MS4A13: variants seen among roughly 807,000 people sequenced by gnomAD.
The protein encoded by MS4A13 is membrane spanning 4-domains A13.
MS4A13 carries 21 observed loss-of-function variants against 18.4 expected under a neutral mutation model. The observed-to-expected ratio is 1.14, with a 90% CI of 0.81 to 1.64. MS4A13 has a LOEUF of 1.64. Among genes scored for constraint, MS4A13 ranks in the 40% most tolerant of loss-of-function variants. The pLI is 0.00. For synonymous variants in MS4A13, 62 were observed against 57.2 expected, an observed-to-expected ratio of 1.08 and a Z score of -0.38; for missense variants, 173 against 176.8, an observed-to-expected ratio of 0.98 and a Z score of 0.12.
chr11:60,522,636 A>G (rs1280116740), intron 3 of MS4A13, among the ~76,000 whole-genome samples: 2 of 152,192 alleles, frequency 1.3e-5, no homozygotes, highest in African/African-American at 4.8e-5. Flanking sequence ...ATAAGTGTCA[A>G]TGGATTGCCT....
intron 1 of MS4A13, 72 bp from the exon 2 acceptor site, chr11:60,515,897 A>G (rs2086634370): frequency 6.6e-6 from 1 of 152,232 alleles, no homozygotes; most frequent in Non-Finnish European, 1.5e-5. Context: ...TGACTGAACA[A>G]TAAGGAAAGG....
chr11:60,528,362 T>C (rs1185471679), intron 5 of MS4A13, among the ~76,000 whole-genome samples: 1 of 152,214 alleles, frequency 6.6e-6, no homozygotes, highest in East Asian at 1.9e-4. Flanking sequence ...CCTACCACTT[T>C]ATGAAGCCTT....
chr11:60,540,100 A>G (rs1365755966), intron 6 of MS4A13, among the ~76,000 whole-genome samples: 1 of 152,246 alleles, frequency 6.6e-6, no homozygotes, highest in African/African-American at 2.4e-5. Flanking sequence ...AAAAGACAGT[A>G]GCATTAATTG....
chr11:60,529,333 C>A, intron 5 of MS4A13, 32 bp from the exon 6 acceptor site: 1 of 1,165,018 alleles, frequency 8.6e-7, no homozygotes, highest in Non-Finnish European at 1.2e-6. Flanking sequence ...AAGATAATAG[C>A]ATTAAGATTT....
intron 3 of MS4A13, among the ~76,000 whole-genome samples, chr11:60,522,801 A>T (rs2086686849): frequency 6.6e-6 from 1 of 152,180 alleles, no homozygotes; most frequent in African/African-American, 2.4e-5. Context: ...GCACTACCTT[A>T]AAAAAGAGGA....
In MS4A13 at chr11:60,538,069, C is replaced by A. The variant is rs865950758; in HGVS notation, c.403-4450C>A. Among the ~76,000 whole-genome samples, 3 of 149,654 alleles carry A rather than the reference C, an allele frequency of 2.0e-5. 1 individual carries two copies. In the South Asian group the frequency reaches 6.5e-4, roughly 32 times the overall value. On this transcript the variant is annotated intron_variant, in intron 6 of 6. Coordinates refer to ENST00000378186, the MANE Select transcript of MS4A13 (RefSeq NM_001012417.3). ...GGAGGGATGGCATTGGGAGATATACCTAATGCTGGATGACACGTTGGTGGG... is the reference window on the plus strand; with the variant it reads ...GGAGGGATGGCATTGGGAGATATACATAATGCTGGATGACACGTTGGTGGG...
chr11:60,522,245 T>C (rs56228506), intron 3 of MS4A13, among the ~76,000 whole-genome samples: 1 of 150,502 alleles, frequency 6.6e-6, no homozygotes, highest in East Asian at 1.9e-4. Context: ...GATAGATGTA[T>C]ATATATAGAT....
intron 5 of MS4A13, 31 bp from the exon 6 acceptor site, chr11:60,529,334 A>G: frequency 3.0e-6 from 4 of 1,313,672 alleles, no homozygotes; most frequent in Non-Finnish European, 3.2e-6. Flanking sequence ...AGATAATAGC[A>G]TTAAGATTTC....
chr11:60,529,952 CAAT>C (rs763740251), intron 6 of MS4A13, among the ~76,000 whole-genome samples: 5 of 152,276 alleles, frequency 3.3e-5, no homozygotes, highest in South Asian at 2.1e-4. Context: ...AAATTATAAA[CAAT>C]GATGCAGTGA....
chr11:60,527,404 C>CTGTG (rs1565212716), intron 5 of MS4A13, among the ~76,000 whole-genome samples: 123 of 73,434 alleles, frequency 1.7e-3, no homozygotes, highest in East Asian at 4.0e-3. Flanking sequence ...CTCTCTCTCT[C>CTGTG]TCTCTCTGTG....
chr11:60,518,915 A>G (rs2086655822), intron 3 of MS4A13, among the ~76,000 whole-genome samples: 1 of 152,204 alleles, frequency 6.6e-6, no homozygotes, highest in African/African-American at 2.4e-5. Flanking sequence ...AATGTGGTAT[A>G]AAGAAATGGG....
At chr11:60,532,614 C>A (rs1186263281) in intron 6 of MS4A13, among the ~76,000 whole-genome samples, 3 of 152,074 alleles carry the variant, frequency 2.0e-5, no homozygotes, top group Non-Finnish European at 4.4e-5. Context: ...CGCCATTGCG[C>A]AGGCTTGCTT....
At chr11:60,540,628 A>G (rs969613225) in intron 6 of MS4A13, among the ~76,000 whole-genome samples, 5 of 152,178 alleles carry the variant, frequency 3.3e-5, no homozygotes, top group African/African-American at 1.2e-4. Context: ...TACACAAAGT[A>G]TGTTTAATTT....
At chr11:60,540,594 A>T (rs2086849322) in intron 6 of MS4A13, among the ~76,000 whole-genome samples, 1 of 152,210 alleles carries the variant, frequency 6.6e-6, no homozygotes, top group African/African-American at 2.4e-5. Context: ...AAAATATAAT[A>T]GCTTAAAAAC....
intron 2 of MS4A13, among the ~76,000 whole-genome samples, chr11:60,516,953 T>G (rs1306522900): frequency 2.0e-5 from 3 of 152,150 alleles, no homozygotes; most frequent in African/African-American, 7.2e-5. Context: ...AAGAGGTATT[T>G]GCTGGATGCC....
chr11:60,522,875 C>T (rs4938952), intron 3 of MS4A13, among the ~76,000 whole-genome samples: 25,002 of 151,968 alleles, frequency 0.16, 2,277 homozygotes, highest in East Asian at 0.27. Context: ...TGTTTGACCA[C>T]TCATATTATA....
At chr11:60,529,223 G>T in intron 5 of MS4A13, 142 bp from the exon 6 acceptor site, 1 of 469,880 alleles carries the variant, frequency 2.1e-6, no homozygotes, top group Non-Finnish European at 3.7e-6. Flanking sequence ...GAAATCAAAT[G>T]GTGAAAGGTT....
At chr11:60,516,322 G>A (rs1053228211) in intron 2 of MS4A13, among the ~76,000 whole-genome samples, 23 of 152,074 alleles carry the variant, frequency 1.5e-4, no homozygotes, top group African/African-American at 4.8e-4. Flanking sequence ...TCCAAGTAAG[G>A]TTTAAAAGGA....
At chr11:60,538,177 T>TTAAAAAAAAAAAAAAAAAAAAAAAAAAAA (rs60140970) in intron 6 of MS4A13, among the ~76,000 whole-genome samples, 1 of 75,120 alleles carries the variant, frequency 1.3e-5, no homozygotes, top group African/African-American at 4.4e-5. Context: ...TAAAGTATAA[T>TTAAAAAAAAAAAAAAAAAAAAAAAAAAAA]AAAAAAAAAA....
Sources: gnomAD v4.1 joint callset for allele counts (sites outside exome capture counted in the v4.1 genomes callset) on GRCh38, gnomAD v4.1.1 for gene constraint, MANE v1.5 for transcripts, NCBI Gene and HGNC (gene_info 2026-07-23, HGNC 2026-07-21) for gene names.